The following RAG2 variants were observed in gnomAD, a reference collection of about 807,000 sequenced individuals.
RAG2 encodes the protein recombination activating 2, also known as V(D)J recombination-activating protein 2.
RAG2 carries 16 observed loss-of-function variants against 31.8 expected under a neutral mutation model. The ratio of observed to expected loss-of-function variants is 0.50; its 90% CI spans 0.34 to 0.76. The LOEUF (loss-of-function observed/expected upper bound fraction) is 0.76, where lower values mean the gene tolerates loss of function less well. RAG2 is among the 30% of genes least tolerant of loss of function. The probability of loss-of-function intolerance (pLI) is 0.01; values close to 1 mark genes in which losing one functional copy is unlikely to be tolerated. For synonymous variants in RAG2, 199 were observed against 215.9 expected, an observed-to-expected ratio of 0.92 and a Z score of 0.68; for missense variants, 622 against 628.5, an observed-to-expected ratio of 0.99 and a Z score of 0.11.
At chr11:36,596,665 C>A (rs534121134) in intron 1 of RAG2, among the ~76,000 whole-genome samples, 1 of 152,270 alleles carries the variant, frequency 6.6e-6, no homozygotes, top group African/African-American at 2.4e-5. Flanking sequence ...GGGGGGAACA[C>A]CAAAGCCAAG....
chr11:36,591,060 G>C (rs893684373), downstream of RAG2, among the ~76,000 whole-genome samples: 23 of 152,164 alleles, frequency 1.5e-4, no homozygotes, highest in African/African-American at 5.1e-4. Flanking sequence ...TTAATAATTA[G>C]AGTAAATCAA....
In RAG2 at chr11:36,593,451, G is replaced by A. The variant is rs374781438; in HGVS notation, c.718C>T (p.Leu240Phe). 154 of 1,613,878 alleles carry A rather than the reference G, an allele frequency of 9.5e-5. No homozygotes were observed. The highest frequency in any genetic ancestry group is 1.3e-4 in the Non-Finnish European group (149 of 1,180,032). Residue 240 changes from leucine to phenylalanine, a missense_variant, in exon 2 of 2, where the codon CTT (leucine) becomes TTT (phenylalanine). Coordinates refer to ENST00000311485, the MANE Select transcript of RAG2 (RefSeq NM_000536.4). ...TTCACAGCTGGGCTACCCAGGGGAA[G>A]ATCAACCCTTATTCTGTACAGGTTG... is the stretch of plus-strand genomic sequence containing the variant. The part of the protein sequence containing the change: ...PANLYRIRVD[L>F]PLGSPAVNCT...
rs773624427 is a variant in RAG2, at chr11:36,592,935, C to G, written c.1234G>C (p.Glu412Gln). 2 of 1,614,160 alleles carry G rather than the reference C, an allele frequency of 1.2e-6. No individual in the cohort carries two copies. Among genetic ancestry groups the G allele is most frequent in the East Asian group, 4.5e-5 (2 of 44,878 alleles). Residue 412 changes from glutamate to glutamine, a missense_variant, in exon 2 of 2, where the codon GAG becomes CAG. Physicochemically the swap from Glu to Gln is conservative, Grantham distance 29 (BLOSUM62 2). Coordinates refer to ENST00000311485, the MANE Select transcript of RAG2 (RefSeq NM_000536.4). ...CAGCATGTAATCCAGTAGCCTGTCT[C>G]AGACTCATCTTCTTCATCATCTTCA... is the stretch of plus-strand genomic sequence containing the variant. ...YNEDDEEDES[E>Q]TGYWITCCPT...
intron 1 of RAG2, chr11:36,594,412 T>C (rs908902943): frequency 8.9e-6 from 5 of 560,164 alleles, no homozygotes; most frequent in South Asian, 2.2e-5. Context: ...ACGGACTATA[T>C]GCTCCCTAGG....
chr11:36,593,241 C>G lies in RAG2; in HGVS notation c.928G>C (p.Asp310His). The change falls in exon 2 of 2, where the codon GAC (aspartate) becomes CAC (histidine). Residue 310 changes from aspartate to histidine, a missense_variant. Asp to His is a moderately conservative substitution (Grantham distance 81, BLOSUM62 -1). Coordinates refer to ENST00000311485, the MANE Select transcript of RAG2 (RefSeq NM_000536.4). ...AACCATATCTTGCTGTGCTTAATGT[C>G]TGGGGTCCAATCTGGGGTCTCCATC... The part of the protein sequence containing the change: ...REMETPDWTP[D>H]IKHSKIWFGS... 1 of 1,614,162 alleles carries G rather than the reference C, an allele frequency of 6.2e-7. No homozygotes were observed. The highest frequency in any genetic ancestry group is 8.5e-7 in the Non-Finnish European group (1 of 1,180,028).
Position 36,592,646 on chromosome 11 carries a change from T to A in RAG2, c.1523A>T (p.Lys508Ile). The A allele has an allele frequency of 6.2e-7, 1 of 1,614,136 alleles. No individual in the cohort carries two copies. The highest frequency in any genetic ancestry group is 8.5e-7 in the Non-Finnish European group (1 of 1,180,008). The change falls in exon 2 of 2, where the codon AAA (lysine) becomes ATA (isoleucine). Residue 508 changes from lysine (K) to isoleucine (I), a missense_variant. Transcript: ENST00000311485. Reference sequence around the variant, plus strand: ...AGGAGTCAAGATTTTTCCAGAACCTTTTTTACGGAGGGATTTCATTGGAGG... The same window carrying A: ...AGGAGTCAAGATTTTTCCAGAACCTATTTTACGGAGGGATTTCATTGGAGG... ...KKPPMKSLRK[K>I]GSGKILTPAK...
At chr11:36,594,260 T>C (rs1017689956) in intron 1 of RAG2, 65 bp from the exon 2 acceptor site, 20 of 1,072,676 alleles carry the variant, frequency 1.9e-5, no homozygotes, top group Non-Finnish European at 2.9e-5. Flanking sequence ...TTTAGATTCC[T>C]TCACATGTGA....
chr11:36,593,674 G>T lies in RAG2; in HGVS notation c.495C>A (p.Thr165=), dbSNP rs1851085621. The T allele has an allele frequency of 1.2e-6, 2 of 1,614,004 alleles. No homozygotes were observed. Among genetic ancestry groups the T allele is most frequent in the East Asian group, 2.2e-5 (1 of 44,896 alleles). Reference sequence around the variant, plus strand: ...TATTCCATTTTTCTGTGGTTCTGTGGGTAGAAGGCATGTATGAGCGTCCTC... The same window carrying T: ...TATTCCATTTTTCTGTGGTTCTGTGTGTAGAAGGCATGTATGAGCGTCCTC... ...LFGGRSYMPS[T]HRTTEKWNSV... is the part of the protein sequence containing the mutation. Residue 165 remains threonine (T), a synonymous_variant, in exon 2 of 2, where the codon ACC becomes ACA. Transcript: ENST00000311485.
At chr11:36,596,443 C>T (rs1369994607) in intron 1 of RAG2, among the ~76,000 whole-genome samples, 2 of 152,080 alleles carry the variant, frequency 1.3e-5, no homozygotes, top group Admixed American at 1.3e-4. Context: ...GTTGTATATT[C>T]AGCAAACTGC....
In RAG2 at chr11:36,593,915, T is replaced by C; in HGVS notation, c.254A>G (p.Glu85Gly). Residue 85 changes from glutamate (E) to glycine (G), a missense_variant, in exon 2 of 2, where the codon GAG becomes GGG. Coordinates refer to ENST00000311485, the MANE Select transcript of RAG2 (RefSeq NM_000536.4). The part of the protein sequence containing the change: ...PATCTFKGSL[E>G]SEKHQYIIHG... Reference sequence around the variant, plus strand: ...GATGATGTATTGATGCTTTTCAGACTCCAAGCTGCCTTTGAATGTGCAAGT... The same window carrying C: ...GATGATGTATTGATGCTTTTCAGACCCCAAGCTGCCTTTGAATGTGCAAGT... 1 of 1,614,212 alleles carries C rather than the reference T, an allele frequency of 6.2e-7. No individual in the cohort carries two copies. The highest frequency in any genetic ancestry group is 8.5e-7 in the Non-Finnish European group (1 of 1,180,036).
chr11:36,595,781 C>T (rs1044973576), intron 1 of RAG2, among the ~76,000 whole-genome samples: 5 of 152,198 alleles, frequency 3.3e-5, no homozygotes, highest in African/African-American at 1.2e-4. Flanking sequence ...TTAAAATTTA[C>T]CAAAAATAAG....
Position 36,593,112 on chromosome 11 carries a change from C to G in RAG2, c.1057G>C (p.Asp353His). Residue 353 changes from aspartate to histidine, a missense_variant, in exon 2 of 2, where the codon GAT becomes CAT. Transcript: ENST00000311485. ...FYFYMLKCAEDDTNEEQTTFT... is the reference protein window; with the variant it reads ...FYFYMLKCAEHDTNEEQTTFT... ...GTTGTCTGCTCTTCATTAGTATCAT[C>G]TTCAGCACATTTCAACATATAGAAA... 6.2e-7 allele frequency: 1 copy of G among 1,614,152 alleles called. No homozygotes were observed. The highest frequency in any genetic ancestry group is 1.1e-5 in the South Asian group (1 of 91,088).
In RAG2 at chr11:36,594,029, T is replaced by A. The variant is rs776913146; in HGVS notation, c.140A>T (p.His47Leu). 1.9e-5 allele frequency: 31 copies of A among 1,614,088 alleles called. No individual in the cohort carries two copies. In the Admixed American group the frequency reaches 4.7e-4, roughly 24 times the overall value. ...PKRSCPTGVFHLDVKHNHVKL... is the reference protein window; with the variant it reads ...PKRSCPTGVFLLDVKHNHVKL... ...GACATGGTTATGCTTTACATCCAGA[T>A]GGAAAACTCCAGTGGGGCAGGATCT... Residue 47 changes from histidine to leucine, a missense_variant, in exon 2 of 2, where the codon CAT becomes CTT. Coordinates refer to ENST00000311485, the MANE Select transcript of RAG2 (RefSeq NM_000536.4).
At position 36,594,473 on chromosome 11, in the gene RAG2, G is replaced by C. The variant is rs564205435; in HGVS notation, c.-27-278C>G. On this transcript the variant is annotated intron_variant, in intron 1 of 1. Transcript: ENST00000311485. ...CGTAAAGAGTCACCATGCGTCAGCTGAAAGAACCACATTTCCCAAGAATCC... is the reference window on the plus strand; with the variant it reads ...CGTAAAGAGTCACCATGCGTCAGCTCAAAGAACCACATTTCCCAAGAATCC... 15 of 409,340 alleles carry C rather than the reference G, an allele frequency of 3.7e-5. No individual in the cohort carries two copies. In the South Asian group the frequency reaches 4.6e-4, roughly 13 times the overall value. The allele number at this position is 409,340 out of a possible 1,614,324, so 25.4% of individuals were successfully genotyped here.
Position 36,592,413 on chromosome 11 carries a change from G to T in RAG2, c.*172C>A. ...TTTCAAAATGTATAGGGTCTAGAAT[G>T]ACTTTATTTATCATTGCATTATAAA... On this transcript the variant is annotated 3_prime_UTR_variant, in exon 2 of 2. Coordinates refer to ENST00000311485, the MANE Select transcript of RAG2 (RefSeq NM_000536.4). 1.2e-6 allele frequency: 1 copy of T among 801,962 alleles called. No homozygotes were observed. Among genetic ancestry groups the T allele is most frequent in the Non-Finnish European group, 1.9e-6 (1 of 521,912 alleles). 49.7% of individuals were successfully genotyped at this position (801,962 alleles called of 1,614,324 possible).
downstream of RAG2, chr11:36,591,819 T>C (rs1342203405): frequency 6.6e-6 from 1 of 152,210 alleles, no homozygotes; most frequent in African/African-American, 2.4e-5. Context: ...CAGTTTTCCA[T>C]GAAAATTCTC....
At position 36,592,952 on chromosome 11, in the gene RAG2, T is replaced by G; in HGVS notation, c.1217A>C (p.Asp406Ala). ...DDEFDTYNED[D>A]EEDESETGYW... ...GCCTGTCTCAGACTCATCTTCTTCA[T>G]CATCTTCATTATAGGTGTCAAATTC... Residue 406 changes from aspartate (D) to alanine (A), a missense_variant, in exon 2 of 2, where the codon GAT (aspartate) becomes GCT (alanine). Asp to Ala is a moderately radical substitution (Grantham distance 126). Transcript: ENST00000311485. 6.2e-7 allele frequency: 1 copy of G among 1,614,156 alleles called. No homozygotes were observed. Among genetic ancestry groups the G allele is most frequent in the Non-Finnish European group, 8.5e-7 (1 of 1,180,028 alleles).
At chr11:36,596,507 G>A (rs1027643298) in intron 1 of RAG2, among the ~76,000 whole-genome samples, 2 of 152,142 alleles carry the variant, frequency 1.3e-5, no homozygotes, top group African/African-American at 2.4e-5. Flanking sequence ...GCCTACCCAA[G>A]CCTACATGAG....
Position 36,594,050 on chromosome 11 carries a change from G to T in RAG2, c.119C>A (p.Ser40Tyr), listed in dbSNP as rs762460908. ...FFGQKGWPKR[S>Y]CPTGVFHLDV... ...CAGATGGAAAACTCCAGTGGGGCAGGATCTTTTGGGCCAGCCTTTTTGTCC... is the reference window on the plus strand; with the variant it reads ...CAGATGGAAAACTCCAGTGGGGCAGTATCTTTTGGGCCAGCCTTTTTGTCC... The change falls in exon 2 of 2, where the codon TCC (serine) becomes TAC (tyrosine). Residue 40 changes from serine (S) to tyrosine (Y), a missense_variant. Ser to Tyr is a moderately radical substitution (Grantham distance 144, BLOSUM62 -2). Transcript: ENST00000311485. The T allele has an allele frequency of 5.0e-6, 8 of 1,614,086 alleles. No individual in the cohort carries two copies. The South Asian group carries it at 8.8e-5, about 18-fold the overall frequency.
Sources: gnomAD v4.1 joint callset for allele counts (sites outside exome capture counted in the v4.1 genomes callset) on GRCh38, gnomAD v4.1.1 for gene constraint, MANE v1.5 for transcripts, NCBI Gene and HGNC (gene_info 2026-07-23, HGNC 2026-07-21) for gene names.